Variants in HDAC9 observed in about 807,000 individuals in gnomAD.
HDAC9 encodes the protein MEF-2 interacting transcription repressor (MITR) protein.
HDAC9 carries 41 observed loss-of-function variants against 139.4 expected under a neutral mutation model. That is an observed-to-expected ratio of 0.29 (90% CI 0.23 to 0.38). The LOEUF is 0.38. HDAC9 is among the 10% of genes least tolerant of loss of function. The probability of loss-of-function intolerance (pLI) is 1.00; values close to 1 mark genes in which losing one functional copy is unlikely to be tolerated. For missense variants in HDAC9, 1,147 were observed against 1,297.0 expected (o/e 0.88, Z 1.78); for synonymous variants, 517 against 476.2 (o/e 1.09, Z -1.12).
At chr7:18,094,720 C>A (rs922209022) in intron 1 of HDAC9, among the ~76,000 whole-genome samples, 1 of 152,090 alleles carries the variant, frequency 6.6e-6, no homozygotes, top group African/African-American at 2.4e-5. Context: ...CCTCCCAAAG[C>A]ACTAGGATTA....
At chr7:18,775,494 A>G (rs962724947) in intron 16 of HDAC9, among the ~76,000 whole-genome samples, 3 of 152,062 alleles carry the variant, frequency 2.0e-5, no homozygotes, top group African/African-American at 7.2e-5. Flanking sequence ...CATTTAAGGA[A>G]TAAAAACCAA....
intron 6 of HDAC9, among the ~76,000 whole-genome samples, chr7:18,602,715 A>G (rs1834315842): frequency 6.6e-6 from 1 of 151,848 alleles, no homozygotes; most frequent in African/African-American, 2.4e-5. Flanking sequence ...TTTTATTTAG[A>G]GTCATGTTAT....
intron 1 of HDAC9, among the ~76,000 whole-genome samples, chr7:18,149,538 T>A (rs1207980884): frequency 6.7e-6 from 1 of 150,162 alleles, no homozygotes; most frequent in East Asian, 2.0e-4. Context: ...TTTATTTATT[T>A]ATTATTTATT....
At chr7:18,602,406 T>G (rs1354336532) in intron 6 of HDAC9, among the ~76,000 whole-genome samples, 1 of 151,992 alleles carries the variant, frequency 6.6e-6, no homozygotes, top group Non-Finnish European at 1.5e-5. Context: ...GACCAGTTTT[T>G]TGTTTTGTTG....
intron 2 of HDAC9, among the ~76,000 whole-genome samples, chr7:18,547,268 C>G (rs1815213246): frequency 6.6e-6 from 1 of 152,160 alleles, no homozygotes; most frequent in Non-Finnish European, 1.5e-5. Context: ...CGGAGTCTCG[C>G]TCTGTTGCCC....
chr7:18,932,747 G>A (rs191755720), intron 22 of HDAC9, among the ~76,000 whole-genome samples: 8 of 151,114 alleles, frequency 5.3e-5, no homozygotes, highest in South Asian at 2.1e-4. Context: ...GGGAATTTCC[G>A]AAAGAAAGTT....
chr7:18,322,661 G>A (rs909415046), intron 1 of HDAC9, among the ~76,000 whole-genome samples: 10 of 152,182 alleles, frequency 6.6e-5, no homozygotes, highest in South Asian at 4.1e-4. Flanking sequence ...ATTGGCAGGG[G>A]CATCCAAGGT....
At chr7:18,444,771 CT>C (rs1216238695) in intron 1 of HDAC9, among the ~76,000 whole-genome samples, 1 of 152,314 alleles carries the variant, frequency 6.6e-6, no homozygotes, top group South Asian at 2.1e-4. Flanking sequence ...CATTGGTTGA[CT>C]GATAACACTG....
intron 16 of HDAC9, among the ~76,000 whole-genome samples, chr7:18,787,130 A>G (rs926011548): frequency 3.3e-5 from 5 of 152,074 alleles, no homozygotes; most frequent in African/African-American, 1.2e-4. Flanking sequence ...ACCCTATTAG[A>G]TAGACAGGAC....
intron 1 of HDAC9, among the ~76,000 whole-genome samples, chr7:18,146,523 C>A (rs1231602018): frequency 1.3e-5 from 2 of 152,050 alleles, no homozygotes; most frequent in Non-Finnish European, 2.9e-5. Context: ...ATGTACCACC[C>A]AAAACTACTT....
At chr7:18,827,369 G>A (rs1795530056) in intron 17 of HDAC9, among the ~76,000 whole-genome samples, 1 of 151,970 alleles carries the variant, frequency 6.6e-6, no homozygotes, top group Non-Finnish European at 1.5e-5. Context: ...TTTTTAACTA[G>A]ATGACTAAAT....
At chr7:18,411,662 A>C (rs1248487135) in intron 1 of HDAC9, among the ~76,000 whole-genome samples, 2 of 152,170 alleles carry the variant, frequency 1.3e-5, no homozygotes, top group Admixed American at 1.3e-4. Flanking sequence ...GGCGTAAGCC[A>C]CTGTGCCCAG....
At chr7:18,240,407 G>T (rs999263841) in intron 2 of HDAC9, among the ~76,000 whole-genome samples, 1 of 152,172 alleles carries the variant, frequency 6.6e-6, no homozygotes, top group African/African-American at 2.4e-5. Flanking sequence ...TTTTTTAAAA[G>T]ATTGCAGTTA....
At chr7:18,719,541 C>T (rs868633424) in intron 12 of HDAC9, among the ~76,000 whole-genome samples, 13 of 151,828 alleles carry the variant, frequency 8.6e-5, no homozygotes, top group African/African-American at 3.1e-4. Flanking sequence ...GGTTTCACCA[C>T]GTTGGCCAGG....
chr7:18,844,888 A>G (rs1483235019), intron 21 of HDAC9, among the ~76,000 whole-genome samples: 2 of 152,152 alleles, frequency 1.3e-5, no homozygotes, highest in African/African-American at 2.4e-5. Flanking sequence ...AGTTTCTGAC[A>G]CTGTAGATTC....
At chr7:18,301,422 T>C (rs548387664) in intron 1 of HDAC9, among the ~76,000 whole-genome samples, 1 of 152,290 alleles carries the variant, frequency 6.6e-6, no homozygotes, top group Non-Finnish European at 1.5e-5. Context: ...AAAAGCAATC[T>C]AGATACATTA....
chr7:18,666,639 A>G (rs1794966642), intron 12 of HDAC9, 163 bp downstream of exon 12: 1 of 1,426,498 alleles, frequency 7.0e-7, no homozygotes, highest in Admixed American at 2.8e-5. Context: ...ATATATGTAT[A>G]TATCTATATA....
intron 1 of HDAC9, among the ~76,000 whole-genome samples, chr7:18,322,656 C>T (rs1467953450): frequency 1.1e-4 from 16 of 152,096 alleles, no homozygotes; most frequent in Admixed American, 9.2e-4. Flanking sequence ...TGCCGATTGG[C>T]AGGGGCATCC....
chr7:18,814,307 G>C (rs1050600460), intron 17 of HDAC9, among the ~76,000 whole-genome samples: 2 of 152,090 alleles, frequency 1.3e-5, no homozygotes, highest in African/African-American at 4.8e-5. Context: ...ATTTTTACCT[G>C]AATATTTAAA....
Sources: gnomAD v4.1 joint callset for allele counts (sites outside exome capture counted in the v4.1 genomes callset) on GRCh38, gnomAD v4.1.1 for gene constraint, MANE v1.5 for transcripts, NCBI Gene and HGNC (gene_info 2026-07-23, HGNC 2026-07-21) for gene names.